CCT5: variants seen among roughly 807,000 people sequenced by gnomAD.
CCT5 encodes chaperonin containing TCP1 subunit 5, also known as T-complex protein 1 subunit epsilon.
Under a neutral mutation model 55.0 loss-of-function variants are expected in CCT5, and 6 were observed. That is an observed-to-expected ratio of 0.11 (90% CI 0.06 to 0.22). The LOEUF is 0.22. Ranked by LOEUF, CCT5 falls within the 10% of genes least tolerant of loss-of-function variation. The pLI is 1.00. For missense variants in CCT5, 560 were observed against 694.6 expected (o/e 0.81, Z 2.18); for synonymous variants, 231 against 243.7 (o/e 0.95, Z 0.49).
intron 8 of CCT5, 175 bp from the exon 9 acceptor site, chr5:10,262,306 G>T: frequency 5.6e-6 from 4 of 720,604 alleles, no homozygotes; most frequent in Non-Finnish European, 9.5e-6. Context: ...TCTGCCTCTT[G>T]AATTTTGTTA....
intron 2 of CCT5, chr5:10,254,414 T>C: frequency 1.7e-6 from 1 of 601,512 alleles, no homozygotes; most frequent in Non-Finnish European, 2.9e-6. Flanking sequence ...TTTTTTAGCA[T>C]GTAACATCAT....
chr5:10,263,439 C>A, intron 10 of CCT5, 125 bp downstream of exon 10: 1 of 864,036 alleles, frequency 1.2e-6, no homozygotes, highest in Non-Finnish European at 1.8e-6. Flanking sequence ...TTCAGGTGTT[C>A]AAGTCCTGAA....
chr5:10,258,009 C>A, intron 4 of CCT5, 102 bp from the exon 5 acceptor site: 1 of 1,244,332 alleles, frequency 8.0e-7, no homozygotes, highest in South Asian at 1.3e-5. Flanking sequence ...AGACTCAAAA[C>A]ATCGTTTGAT....
chr5:10,249,928 A>AC (rs1745269945), upstream of CCT5: 6 of 883,170 alleles, frequency 6.8e-6, no homozygotes, highest in East Asian at 3.3e-4. Context: ...AAAAAAAAAA[A>AC]AAAAAACCGG....
rs1211892067 is a variant in CCT5 at position 10,250,307 on chromosome 5, C to G, written c.-34C>G. The G allele has an allele frequency of 1.9e-6, 3 of 1,613,566 alleles. No individual in the cohort carries two copies. Among genetic ancestry groups the G allele is most frequent in the Non-Finnish European group, 2.5e-6 (3 of 1,179,980 alleles). Reference sequence around the variant, plus strand: ...ATTCTCGCTTCCGTAGCGGTCTCCGCCGGTTGGGGGGAAGTAATTCCGGTT... The same window carrying G: ...ATTCTCGCTTCCGTAGCGGTCTCCGGCGGTTGGGGGGAAGTAATTCCGGTT... On this transcript the variant is annotated 5_prime_UTR_variant, in exon 1 of 11. Coordinates refer to ENST00000280326, the MANE Select transcript of CCT5 (RefSeq NM_012073.5).
At position 10,250,475 on chromosome 5, in the gene CCT5, G is replaced by A. The variant is rs572811679; in HGVS notation, c.105+30G>A. ...TGGCACAGGGACCTGCTCGCGGTGG[G>A]CTAAGGGGAGGTGGCCGAGGCCGTG... On this transcript the variant is annotated intron_variant, in intron 1 of 10. Transcript: ENST00000280326. The A allele has an allele frequency of 1.7e-5, 28 of 1,610,570 alleles. No individual in the cohort carries two copies. In the African/African-American group the frequency reaches 3.1e-4, roughly 18 times the overall value.
upstream of CCT5, chr5:10,249,960 C>G (rs1464878132): frequency 2.7e-6 from 4 of 1,471,474 alleles, no homozygotes; most frequent in African/African-American, 4.5e-5. Context: ...ACCATCTTCT[C>G]GGAGCCGGAG....
rs1335716383 is a variant in CCT5, at chr5:10,265,616, TTGTC to T, written c.*837_*840del. 6.6e-6 allele frequency: 1 copy of T among 151,920 alleles called. No homozygotes were observed. Among genetic ancestry groups the T allele is most frequent in the Non-Finnish European group, 1.5e-5 (1 of 67,984 alleles). The allele number at this position is 151,920 out of a possible 1,614,324, so 9.4% of individuals were successfully genotyped here. Reference sequence around the variant, plus strand: ...AGACGCTCCGAGAACTCTACCGGGATTGTCTGTTCTGACAACCCAGTGAGGCAGA... The same window carrying T: ...AGACGCTCCGAGAACTCTACCGGGATTGTTCTGACAACCCAGTGAGGCAGA... On this transcript the variant is annotated 3_prime_UTR_variant, in exon 11 of 11. Coordinates refer to ENST00000280326, the MANE Select transcript of CCT5 (RefSeq NM_012073.5).
At chr5:10,256,198 A>G (rs1745669895) in intron 4 of CCT5, 45 bp downstream of exon 4, 9 of 1,531,032 alleles carry the variant, frequency 5.9e-6, no homozygotes, top group South Asian at 1.2e-5. Flanking sequence ...TAGAGGAGGC[A>G]GTTTGTTTGC....
chr5:10,264,888 T>TATAATA lies in CCT5; in HGVS notation c.*105_*106insATAATA. 7.0e-7 allele frequency: 1 copy of TATAATA among 1,426,276 alleles called. No individual in the cohort carries two copies. The highest frequency in any genetic ancestry group is 9.7e-7 in the Non-Finnish European group (1 of 1,027,240). The allele number at this position is 1,426,276 out of a possible 1,614,324, so 88.4% of individuals were successfully genotyped here. On this transcript the variant is annotated 3_prime_UTR_variant, in exon 11 of 11. Coordinates refer to ENST00000280326, the MANE Select transcript of CCT5 (RefSeq NM_012073.5). ...TATTGTTACATCCTTTTCCAGACACTGTAGATGCTATAATAAAAATAGCTG... is the reference window on the plus strand; with the variant it reads ...TATTGTTACATCCTTTTCCAGACACTATAATAGTAGATGCTATAATAAAAATAGCTG...
chr5:10,259,728 A>G (rs1745861989), intron 6 of CCT5, among the ~76,000 whole-genome samples: 1 of 152,254 alleles, frequency 6.6e-6, no homozygotes, highest in African/African-American at 2.4e-5. Flanking sequence ...GAGCTTATAA[A>G]TAAAAGGCCA....
At chr5:10,261,136 G>A in intron 7 of CCT5, 1 of 606,662 alleles carries the variant, frequency 1.6e-6, no homozygotes, top group Non-Finnish European at 3.0e-6. Context: ...TCCCTGTGTT[G>A]TCTCACTTGG....
At chr5:10,250,230 T>C (rs534498281), upstream of CCT5, 2 of 1,573,554 alleles carry the variant, frequency 1.3e-6, no homozygotes, top group Admixed American at 3.7e-5. Flanking sequence ...GTCCCGCGCG[T>C]CTTGTGCTGC....
Position 10,265,142 on chromosome 5 carries a change from C to T in CCT5, c.*359C>T, listed in dbSNP as rs1215212388. On this transcript the variant is annotated 3_prime_UTR_variant, in exon 11 of 11. Transcript: ENST00000280326. Reference sequence around the variant, plus strand: ...GTAGGGACTATTTTAACAGCTTAAACAGGAGCTCTCAAGATGCACTTTCAT... The same window carrying T: ...GTAGGGACTATTTTAACAGCTTAAATAGGAGCTCTCAAGATGCACTTTCAT... The T allele has an allele frequency of 1.6e-5, 4 of 248,016 alleles. No homozygotes were observed. Among genetic ancestry groups the T allele is most frequent in the Non-Finnish European group, 3.2e-5 (4 of 126,566 alleles). 15.4% of individuals were successfully genotyped at this position (248,016 alleles called of 1,614,324 possible). A position where few individuals can be genotyped will look rare whatever the true frequency, so the allele number is the denominator to read the frequency against.
intron 1 of CCT5, among the ~76,000 whole-genome samples, chr5:10,251,960 A>C (rs1321420843): frequency 6.6e-6 from 1 of 152,194 alleles, no homozygotes; most frequent in African/African-American, 2.4e-5. Context: ...ATTTTACAAA[A>C]CTGGGGACTT....
intron 6 of CCT5, among the ~76,000 whole-genome samples, chr5:10,259,192 C>G (rs541388805): frequency 6.6e-6 from 1 of 152,282 alleles, no homozygotes; most frequent in Middle Eastern, 3.4e-3. Context: ...ATAGTAATCC[C>G]AGTTCTTTGC....
At chr5:10,257,936 C>T (rs1409812020) in intron 4 of CCT5, 175 bp from the exon 5 acceptor site, 1 of 686,146 alleles carries the variant, frequency 1.5e-6, no homozygotes, top group African/African-American at 1.8e-5. Flanking sequence ...GCCCATGGAT[C>T]ACAGGTTAAG....
Position 10,263,281 on chromosome 5 carries a change from C to T in CCT5, c.1465C>T (p.Leu489Phe), listed in dbSNP as rs1181197986. ...ARQVKEMNPALGIDCLHKGTN... is the reference protein window; with the variant it reads ...ARQVKEMNPAFGIDCLHKGTN... Reference sequence around the variant, plus strand: ...ACAGGTGAAGGAGATGAACCCTGCTCTTGGCATCGACTGTTTGCACAAGGG... The same window carrying T: ...ACAGGTGAAGGAGATGAACCCTGCTTTTGGCATCGACTGTTTGCACAAGGG... The change falls in exon 10 of 11, where the codon CTT becomes TTT. Residue 489 changes from leucine to phenylalanine, a missense_variant. Physicochemically the swap from Leu to Phe is conservative, Grantham distance 22. Transcript: ENST00000280326. 1 of 1,614,048 alleles carries T rather than the reference C, an allele frequency of 6.2e-7. No homozygotes were observed. The highest frequency in any genetic ancestry group is 1.1e-5 in the South Asian group (1 of 91,086).
chr5:10,264,819 T>C lies in CCT5; in HGVS notation c.*36T>C, dbSNP rs770087139. ...AAAACTATGTAGCAAGATCCACTTC[T>C]GTGATTAAGTAAATGGATGTCTCGT... On this transcript the variant is annotated 3_prime_UTR_variant, in exon 11 of 11. Transcript: ENST00000280326. The C allele has an allele frequency of 6.2e-7, 1 of 1,610,236 alleles. No homozygotes were observed.
Sources: allele counts gnomAD v4.1 joint callset (sites outside exome capture counted in the v4.1 genomes callset), GRCh38; gene constraint gnomAD v4.1.1; transcripts MANE v1.5; gene names NCBI Gene and HGNC (gene_info 2026-07-23, HGNC 2026-07-21).